Variants in CCDC102B observed in about 807,000 individuals in gnomAD.
CCDC102B encodes coiled-coil domain containing 102B, also known as coiled-coil domain-containing protein 102B.
Under a neutral mutation model 57.4 loss-of-function variants are expected in CCDC102B, and 75 were observed. The observed-to-expected ratio is 1.31, with a 90% CI of 1.08 to 1.58. The LOEUF is 1.58. CCDC102B is among the 40% of genes most tolerant of loss of function. The pLI is 0.00. For missense variants in CCDC102B, 636 were observed against 582.6 expected (o/e 1.09, Z -0.94); for synonymous variants, 206 against 201.9 (o/e 1.02, Z -0.17).
chr18:68,898,645 A>G (rs1038158604), intron 6 of CCDC102B, among the ~76,000 whole-genome samples: 5 of 152,136 alleles, frequency 3.3e-5, no homozygotes, highest in African/African-American at 1.2e-4. Context: ...ACAAACATTT[A>G]TTCGTATTAT....
chr18:69,008,586 G>T (rs990519590), intron 6 of CCDC102B, among the ~76,000 whole-genome samples: 1 of 152,176 alleles, frequency 6.6e-6, no homozygotes. Context: ...CTAGGAGGTG[G>T]ACATTCTTGA....
At chr18:68,882,498 A>G (rs1227374367) in intron 5 of CCDC102B, among the ~76,000 whole-genome samples, 1 of 152,234 alleles carries the variant, frequency 6.6e-6, no homozygotes, top group Non-Finnish European at 1.5e-5. Flanking sequence ...TTATTTCTAG[A>G]ATCTAGAGTG....
intron 7 of CCDC102B, among the ~76,000 whole-genome samples, chr18:69,049,930 CTCCTGAGT>C (rs1365901276): frequency 6.6e-6 from 1 of 152,102 alleles, no homozygotes; most frequent in African/African-American, 2.4e-5. Flanking sequence ...CTGCCTCAGC[CTCCTGAGT>C]AGCTGGGATT....
Position 69,054,741 on chromosome 18 carries a change from C to G in CCDC102B, c.*604C>G. On this transcript the variant is annotated 3_prime_UTR_variant, in exon 8 of 8. Coordinates refer to ENST00000360242, the MANE Select transcript of CCDC102B (RefSeq NM_024781.3). ...AGTAACAGATAACCAGTGATTGAAT[C>G]TAAGACAGGCTGTAAGCATCGCTGA... is the stretch of plus-strand genomic sequence containing the variant. 1 of 985,250 alleles carries G rather than the reference C, an allele frequency of 1.0e-6. No individual in the cohort carries two copies. The highest frequency in any genetic ancestry group is 1.2e-6 in the Non-Finnish European group (1 of 829,866). The allele number at this position is 985,250 out of a possible 1,614,324, so 61.0% of individuals were successfully genotyped here. A position where few individuals can be genotyped will look rare whatever the true frequency, so the allele number is the denominator to read the frequency against.
At chr18:68,979,436 GA>G (rs1395118480) in intron 6 of CCDC102B, among the ~76,000 whole-genome samples, 1 of 151,760 alleles carries the variant, frequency 6.6e-6, no homozygotes, top group East Asian at 1.9e-4. Flanking sequence ...AAGACAATTA[GA>G]AAAAAAGAAT....
chr18:68,869,960 C>A (rs562909723), intron 4 of CCDC102B, among the ~76,000 whole-genome samples: 2 of 152,230 alleles, frequency 1.3e-5, no homozygotes, highest in South Asian at 2.1e-4. Context: ...GTTTTCCCAG[C>A]ACTATTTATT....
chr18:68,996,092 C>T (rs764923913), intron 6 of CCDC102B, among the ~76,000 whole-genome samples: 3 of 152,066 alleles, frequency 2.0e-5, no homozygotes, highest in Non-Finnish European at 2.9e-5. Context: ...ATTGTTCCTG[C>T]GTGTGTCTGT....
chr18:68,820,466 G>A (rs1286067075), intron 1 of CCDC102B, among the ~76,000 whole-genome samples: 1 of 151,964 alleles, frequency 6.6e-6, no homozygotes, highest in Non-Finnish European at 1.5e-5. Flanking sequence ...TTCTATTAGG[G>A]CGTTTATGTC....
intron 7 of CCDC102B, among the ~76,000 whole-genome samples, chr18:69,029,877 G>A (rs2052091952): frequency 6.6e-6 from 1 of 152,170 alleles, no homozygotes; most frequent in Non-Finnish European, 1.5e-5. Context: ...CCATATTTAT[G>A]AAATTGGGAT....
intron 6 of CCDC102B, among the ~76,000 whole-genome samples, chr18:69,004,573 G>A (rs2051289405): frequency 6.6e-6 from 1 of 152,080 alleles, no homozygotes; most frequent in East Asian, 1.9e-4. Context: ...GAGGCACAGG[G>A]CAGAAACTTC....
intron 2 of CCDC102B, among the ~76,000 whole-genome samples, chr18:68,727,673 T>G (rs575778920): frequency 6.6e-6 from 1 of 152,326 alleles, no homozygotes; most frequent in South Asian, 2.1e-4. Flanking sequence ...TACATGGCAA[T>G]TGGCCTGGTT....
intron 4 of CCDC102B, among the ~76,000 whole-genome samples, chr18:68,847,523 T>C (rs1474136569): frequency 6.6e-6 from 1 of 151,924 alleles, no homozygotes; most frequent in Non-Finnish European, 1.5e-5. Flanking sequence ...AACATTTATG[T>C]AGCAAATATA....
chr18:68,803,013 G>A (rs9962825), intron 1 of CCDC102B, among the ~76,000 whole-genome samples: 2,388 of 152,274 alleles, frequency 0.016, 53 homozygotes, highest in African/African-American at 0.054. Flanking sequence ...AATTATTTAA[G>A]TACTTGGAAG....
chr18:69,015,232 C>T (rs943434438), intron 7 of CCDC102B, among the ~76,000 whole-genome samples: 1 of 152,128 alleles, frequency 6.6e-6, no homozygotes, highest in African/African-American at 2.4e-5. Context: ...GTTTAACACA[C>T]AAAACCTTAT....
intron 4 of CCDC102B, among the ~76,000 whole-genome samples, chr18:68,847,672 G>A (rs867375448): frequency 2.0e-5 from 3 of 151,760 alleles, no homozygotes; most frequent in African/African-American, 4.8e-5. Context: ...TACAGTGTAA[G>A]GTGGATCTGA....
In CCDC102B at chr18:68,790,120, G is replaced by T. The variant is rs1161088863; in HGVS notation, c.-66-33246G>T. The stretch of plus-strand genomic sequence containing the variant: ...GGTGTCAGTCTGCCCCTGCTGGGGG[G>T]TGCCTCCCAGTTAGGCTGCTCAGGG... On this transcript the variant is annotated intron_variant, in intron 2 of 3. Transcript: ENST00000578970. 2.7e-5 allele frequency among the ~76,000 whole-genome samples: 4 copies of T among 149,864 alleles called. 1 individual carries two copies. The highest frequency in any genetic ancestry group is 4.4e-5 in the Non-Finnish European group (3 of 67,898).
chr18:68,832,178 C>T (rs965386994), intron 1 of CCDC102B, among the ~76,000 whole-genome samples: 15 of 151,998 alleles, frequency 9.9e-5, no homozygotes, highest in African/African-American at 3.6e-4. Context: ...AACAATAAGA[C>T]AAAAATCTTT....
chr18:68,990,391 A>C (rs1203371865), intron 6 of CCDC102B, among the ~76,000 whole-genome samples: 1 of 152,170 alleles, frequency 6.6e-6, no homozygotes, highest in Non-Finnish European at 1.5e-5. Context: ...TTCTCTGGTC[A>C]TCACTTTATC....
chr18:68,833,427 C>T (rs536347262), intron 1 of CCDC102B, among the ~76,000 whole-genome samples: 12 of 145,780 alleles, frequency 8.2e-5, no homozygotes, highest in East Asian at 5.9e-4. Context: ...TTTCAAGAGA[C>T]AGAGGGAAAA....
Sources: gnomAD v4.1 joint callset for allele counts (sites outside exome capture counted in the v4.1 genomes callset) on GRCh38, gnomAD v4.1.1 for gene constraint, MANE v1.5 for transcripts, NCBI Gene and HGNC (gene_info 2026-07-23, HGNC 2026-07-21) for gene names.